Variants in CCDC33 observed in about 807,000 individuals in gnomAD.
CCDC33 encodes the protein coiled-coil domain containing 33, also known as coiled-coil domain-containing protein 33.
A neutral mutation model predicts 91.9 loss-of-function variants in CCDC33; 94 were observed. The observed-to-expected ratio is 1.02, with a 90% CI of 0.87 to 1.21. The LOEUF (loss-of-function observed/expected upper bound fraction) is 1.21, where lower values mean the gene tolerates loss of function less well. CCDC33 is among the 50% of genes most tolerant of loss of function. The pLI, the probability that CCDC33 is intolerant of heterozygous loss-of-function variation, is 0.00. For synonymous variants in CCDC33, 396 were observed against 374.5 expected (o/e 1.06, Z -0.66); for missense variants, 940 against 935.5 (o/e 1.00, Z -0.06).
rs2060536352 is a variant in CCDC33, at chr15:74,335,072, T to A, written c.2123T>A (p.Ile708Asn). ...GGTTTCAGGCACCCCTCGAACTCCA[T>A]CATCATAGAACAGCCTGTGAGTGAC... The part of the protein sequence containing the change: ...EKGFRHPSNS[I>N]IIEQPSALTH... The change falls in exon 18 of 19, where the codon ATC becomes AAC. Residue 708 changes from isoleucine (I) to asparagine (N), a missense_variant. Ile to Asn is a moderately radical substitution (Grantham distance 149, BLOSUM62 -3). Coordinates refer to ENST00000398814, the MANE Select transcript of CCDC33 (RefSeq NM_025055.5). The A allele has an allele frequency of 6.2e-7, 1 of 1,613,752 alleles. No homozygotes were observed. The highest frequency in any genetic ancestry group is 2.2e-5 in the East Asian group (1 of 44,872).
chr15:74,310,203 G>A lies in CCDC33; in HGVS notation c.1290+14255G>A, dbSNP rs1235459539. Among the ~76,000 whole-genome samples the A allele has an allele frequency of 2.0e-5, 3 of 151,976 alleles. No individual in the cohort carries two copies. In the East Asian group the frequency reaches 5.8e-4, roughly 29 times the overall value. On this transcript the variant is annotated intron_variant, in intron 11 of 18. Transcript: ENST00000398814. ...CTCTGGGAAGATGGTTAGGAGGCAG[G>A]ACTGGAGATGTGCTTGGTGCAGAAG...
chr15:74,206,806 G>A (rs780461673), intron 1 of CCDC33, among the ~76,000 whole-genome samples: 23 of 152,244 alleles, frequency 1.5e-4, no homozygotes, highest in Non-Finnish European at 3.2e-4. Flanking sequence ...GGAGAGAGTA[G>A]CATAAGGGTC....
At position 74,244,300 on chromosome 15, in the gene CCDC33, T is replaced by C; in HGVS notation, c.185+152T>C. Reference sequence around the variant, plus strand: ...GCTGCTGTGGGCACTACCTGGCATCTCCGCTGCTGCATGGGAAGCTGCTCA... The same window carrying C: ...GCTGCTGTGGGCACTACCTGGCATCCCCGCTGCTGCATGGGAAGCTGCTCA... On this transcript the variant is annotated intron_variant, in intron 2 of 18. Coordinates refer to ENST00000398814, the MANE Select transcript of CCDC33 (RefSeq NM_025055.5). This position sits in a 1 kb window ranked among gnomAD's most constrained non-coding sequence, Gnocchi z 4.2. The C allele has an allele frequency of 9.7e-7, 1 of 1,028,762 alleles. No homozygotes were observed. The highest frequency in any genetic ancestry group is 1.4e-6 in the Non-Finnish European group (1 of 737,920). The allele number at this position is 1,028,762 out of a possible 1,614,324, so 63.7% of individuals were successfully genotyped here.
Position 74,236,677 on chromosome 15 carries a change from C to T in CCDC33, c.-43C>T. On this transcript the variant is annotated 5_prime_UTR_variant, in exon 1 of 19. Transcript: ENST00000398814. ...ACCCACTGATACCAAGTACTCATCC[C>T]CAAGATTGTTAAACAAGGCCAGACA... is the stretch of plus-strand genomic sequence containing the variant. The T allele has an allele frequency of 2.5e-6, 4 of 1,608,502 alleles. No individual in the cohort carries two copies. Among genetic ancestry groups the T allele is most frequent in the Non-Finnish European group, 3.4e-6 (4 of 1,176,192 alleles).
intron 2 of CCDC33, among the ~76,000 whole-genome samples, chr15:74,252,754 T>C (rs1282165988): frequency 6.6e-6 from 1 of 152,118 alleles, no homozygotes; most frequent in East Asian, 1.9e-4. Context: ...AGGCCTGGGG[T>C]GAGGCCTGGG....
intron 1 of CCDC33, among the ~76,000 whole-genome samples, chr15:74,239,836 G>A (rs896590610): frequency 2.1e-4 from 30 of 141,424 alleles, no homozygotes; most frequent in Admixed American, 6.3e-4. Context: ...TTACGGGGGG[G>A]GTACCCCATC....
At chr15:74,276,037 C>T (rs994297709) in intron 7 of CCDC33, among the ~76,000 whole-genome samples, 1 of 152,228 alleles carries the variant, frequency 6.6e-6, no homozygotes, top group Non-Finnish European at 1.5e-5. Context: ...CATCCCTCAG[C>T]AGACCTCCTT....
At chr15:74,249,480 T>C (rs553858434) in intron 2 of CCDC33, among the ~76,000 whole-genome samples, 127 of 144,908 alleles carry the variant, frequency 8.8e-4, no homozygotes, top group Non-Finnish European at 1.5e-3. Context: ...AGAGCGAGGC[T>C]CCGTCTAAAA....
intron 1 of CCDC33, chr15:74,209,312 G>A: frequency 6.8e-7 from 1 of 1,474,160 alleles, no homozygotes; most frequent in Non-Finnish European, 9.2e-7. Flanking sequence ...TGATGGCTGA[G>A]TTTCCCCAGA....
At chr15:74,233,827 C>A (rs1418588676), upstream of CCDC33, among the ~76,000 whole-genome samples, 1 of 152,196 alleles carries the variant, frequency 6.6e-6, no homozygotes, top group Non-Finnish European at 1.5e-5. Flanking sequence ...TGCCCAAGAT[C>A]ACACAGCTTT....
intron 4 of CCDC33, among the ~76,000 whole-genome samples, chr15:74,267,164 C>T (rs544931510): frequency 2.6e-4 from 39 of 152,370 alleles, no homozygotes; most frequent in Non-Finnish European, 5.0e-4. Flanking sequence ...TTCACACCCC[C>T]TCTCTAATCC....
chr15:74,239,070 T>C (rs2075267408), intron 1 of CCDC33, among the ~76,000 whole-genome samples: 1 of 152,188 alleles, frequency 6.6e-6, no homozygotes, highest in Non-Finnish European at 1.5e-5. Context: ...TGCTGGGAAA[T>C]AGCCCCACTG....
In CCDC33 at chr15:74,266,912, A is replaced by G. The variant is rs550559386; in HGVS notation, c.429+125A>G. 7.7e-6 allele frequency: 5 copies of G among 648,930 alleles called. No homozygotes were observed. The African/African-American group carries it at 9.0e-5, about 12-fold the overall frequency. 40.2% of individuals were successfully genotyped at this position (648,930 alleles called of 1,614,324 possible). A position where few individuals can be genotyped will look rare whatever the true frequency, so the allele number is the denominator to read the frequency against. ...CCCACAGCATGACAAGTCTAGGACC[A>G]TGTGGGGCTCAGGAAACATGGCTCC... On this transcript the variant is annotated intron_variant, in intron 4 of 18. Coordinates refer to ENST00000398814, the MANE Select transcript of CCDC33 (RefSeq NM_025055.5).
intron 7 of CCDC33, among the ~76,000 whole-genome samples, chr15:74,277,189 T>A (rs922794522): frequency 6.6e-6 from 1 of 152,168 alleles, no homozygotes; most frequent in Non-Finnish European, 1.5e-5. Flanking sequence ...CATATCCCCA[T>A]GGGATGATGG....
At chr15:74,296,667 T>C (rs2059693837) in intron 11 of CCDC33, among the ~76,000 whole-genome samples, 1 of 152,194 alleles carries the variant, frequency 6.6e-6, no homozygotes, top group African/African-American at 2.4e-5. Flanking sequence ...ACACCAATTC[T>C]GGTGACATAG....
intron 11 of CCDC33, chr15:74,301,902 T>G (rs1307375635): frequency 1.4e-5 from 2 of 140,808 alleles, no homozygotes; most frequent in Non-Finnish European, 3.2e-5. Context: ...TCCTTCTCTC[T>G]CTCTCTGCCT....
intron 5 of CCDC33, among the ~76,000 whole-genome samples, chr15:74,270,478 G>A (rs1052246678): frequency 3.9e-5 from 6 of 152,180 alleles, no homozygotes; most frequent in Admixed American, 6.5e-5. Context: ...AGGGAATAAC[G>A]TGACCCAGTT....
intron 9 of CCDC33, 62 bp downstream of exon 9, chr15:74,280,863 C>G (rs2059347699): frequency 6.6e-6 from 9 of 1,366,754 alleles, no homozygotes; most frequent in African/African-American, 1.5e-5. Flanking sequence ...CTGCCTCACC[C>G]TGCCCCACCT....
intron 18 of CCDC33, 36 bp from the exon 19 acceptor site, chr15:74,335,888 TG>T (rs1203583951): frequency 2.7e-6 from 4 of 1,488,296 alleles, no homozygotes; most frequent in African/African-American, 1.4e-5. Flanking sequence ...CCCCTGGGAA[TG>T]GGGGGTACTC....
Sources: gnomAD v4.1 joint callset for allele counts (sites outside exome capture counted in the v4.1 genomes callset) on GRCh38, gnomAD v4.1.1 for gene constraint, Gnocchi (gnomAD v3.1) non-coding constraint, MANE v1.5 for transcripts, NCBI Gene and HGNC (gene_info 2026-07-23, HGNC 2026-07-21) for gene names.